KCNAB1: variants seen among roughly 807,000 people sequenced by gnomAD.
The protein encoded by KCNAB1 is potassium voltage-gated channel subfamily A regulatory beta subunit 1.
A neutral mutation model predicts 64.6 loss-of-function variants in KCNAB1; 35 were observed. That is an observed-to-expected ratio of 0.54 (90% CI 0.41 to 0.72). KCNAB1 has a LOEUF of 0.72. KCNAB1 is among the 30% of genes least tolerant of loss of function. KCNAB1 has a pLI of 0.00. For missense variants in KCNAB1, 401 were observed against 512.9 expected (o/e 0.78, Z 2.11); for synonymous variants, 177 against 183.8 (o/e 0.96, Z 0.30).
intron 1 of KCNAB1, among the ~76,000 whole-genome samples, chr3:156,219,714 T>C (rs1715577638): frequency 6.7e-6 from 1 of 149,968 alleles, no homozygotes; most frequent in African/African-American, 2.4e-5. Context: ...ATTATTATTA[T>C]TATTATTATT....
intron 1 of KCNAB1, among the ~76,000 whole-genome samples, chr3:156,127,252 AT>A (rs904545289): frequency 1.3e-5 from 2 of 152,142 alleles, no homozygotes; most frequent in Admixed American, 6.5e-5. Flanking sequence ...TTCAACCAAT[AT>A]TTTTTTTCCT....
At chr3:156,245,891 G>A (rs1270468629) in intron 1 of KCNAB1, among the ~76,000 whole-genome samples, 1 of 152,016 alleles carries the variant, frequency 6.6e-6, no homozygotes, top group Non-Finnish European at 1.5e-5. Context: ...AGACTTTTTA[G>A]GATCATGGTG....
intron 11 of KCNAB1, among the ~76,000 whole-genome samples, chr3:156,519,841 C>T (rs1272794632): frequency 1.3e-5 from 2 of 152,130 alleles, no homozygotes; most frequent in Non-Finnish European, 2.9e-5. Context: ...TTTTCTTTAC[C>T]AACTTCAGTC....
chr3:156,364,533 C>T lies in KCNAB1; in HGVS notation c.276-57083C>T, dbSNP rs574982193. Reference sequence around the variant, plus strand: ...GTGGCTCACACCTGTAATCCCAGCACTTTGAGAGGCCGAGGCGGGCGGATC... The same window carrying T: ...GTGGCTCACACCTGTAATCCCAGCATTTTGAGAGGCCGAGGCGGGCGGATC... On this transcript the variant is annotated intron_variant, in intron 1 of 13. Coordinates refer to ENST00000490337, the MANE Select transcript of KCNAB1 (RefSeq NM_172160.3). 5.3e-5 allele frequency among the ~76,000 whole-genome samples: 8 copies of T among 152,306 alleles called. No individual in the cohort carries two copies. The South Asian group carries it at 1.7e-3, about 32-fold the overall frequency.
intron 1 of KCNAB1, among the ~76,000 whole-genome samples, chr3:156,374,309 G>T (rs1711517449): frequency 2.0e-5 from 3 of 152,146 alleles, no homozygotes; most frequent in Admixed American, 2.0e-4. Flanking sequence ...ACTCTGTCCT[G>T]AGTGTCTATT....
chr3:156,135,030 TCTG>T (rs1217388978), intron 1 of KCNAB1, among the ~76,000 whole-genome samples: 8 of 152,062 alleles, frequency 5.3e-5, no homozygotes. Context: ...GGAGTCTCAC[TCTG>T]CTGCCCAGGC....
intron 1 of KCNAB1, among the ~76,000 whole-genome samples, chr3:156,255,722 G>A (rs1220098445): frequency 6.6e-6 from 1 of 152,058 alleles, no homozygotes; most frequent in Non-Finnish European, 1.5e-5. Flanking sequence ...ACTTTTCAAG[G>A]TCCAGAGTAA....
At chr3:156,203,408 G>A (rs531354927) in intron 1 of KCNAB1, among the ~76,000 whole-genome samples, 4 of 152,298 alleles carry the variant, frequency 2.6e-5, no homozygotes, top group East Asian at 3.9e-4. Context: ...GAGTAAGATA[G>A]CATTGGGTTT....
At chr3:156,402,513 C>T (rs189545304) in intron 1 of KCNAB1, among the ~76,000 whole-genome samples, 132 of 152,274 alleles carry the variant, frequency 8.7e-4, no homozygotes, top group African/African-American at 3.0e-3. Flanking sequence ...CCAACACCTG[C>T]TATTTTAATG....
chr3:156,319,299 A>C (rs1722498377), intron 1 of KCNAB1, among the ~76,000 whole-genome samples: 1 of 152,150 alleles, frequency 6.6e-6, no homozygotes, highest in Non-Finnish European at 1.5e-5. Context: ...CACAAGGTTT[A>C]GTTTTTGCTC....
At chr3:156,195,156 G>A (rs1434129576) in intron 1 of KCNAB1, among the ~76,000 whole-genome samples, 1 of 152,156 alleles carries the variant, frequency 6.6e-6, no homozygotes, top group African/African-American at 2.4e-5. Context: ...TGGTGTATAT[G>A]TGCCACATTT....
Position 156,523,950 on chromosome 3 carries a change from A to G in KCNAB1, c.1081+3A>G. 1 of 1,613,438 alleles carries G rather than the reference A, an allele frequency of 6.2e-7. No individual in the cohort carries two copies. The highest frequency in any genetic ancestry group is 8.5e-7 in the Non-Finnish European group (1 of 1,179,774). On this transcript the variant is annotated splice_donor_region_variant and intron_variant, in intron 12 of 13. Transcript: ENST00000490337. ...CACACTACCTCAGCTAGCTGTTGGTAAGAAAATTACTAAGCTATGGGGTGG... is the reference window on the plus strand; with the variant it reads ...CACACTACCTCAGCTAGCTGTTGGTGAGAAAATTACTAAGCTATGGGGTGG...
At chr3:156,214,130 C>G (rs1715173379) in intron 1 of KCNAB1, among the ~76,000 whole-genome samples, 1 of 152,158 alleles carries the variant, frequency 6.6e-6, no homozygotes. Flanking sequence ...GCCCTATGTA[C>G]CTCTTTCTCT....
chr3:156,292,519 G>C (rs1266289728), intron 1 of KCNAB1, among the ~76,000 whole-genome samples: 1 of 152,110 alleles, frequency 6.6e-6, no homozygotes, highest in African/African-American at 2.4e-5. Flanking sequence ...TTCTCATCTA[G>C]TACTGCTCTC....
At chr3:156,284,418 T>G (rs151314590) in intron 1 of KCNAB1, among the ~76,000 whole-genome samples, 130 of 152,312 alleles carry the variant, frequency 8.5e-4, no homozygotes, top group African/African-American at 3.0e-3. Context: ...TGCTGTCTTT[T>G]TGTTTGTCTG....
chr3:156,279,301 AT>A (rs1438361246), intron 1 of KCNAB1, among the ~76,000 whole-genome samples: 1 of 151,652 alleles, frequency 6.6e-6, no homozygotes, highest in Non-Finnish European at 1.5e-5. Context: ...TGAACTCATC[AT>A]TTTTTATGGC....
At chr3:156,381,889 G>A (rs1359361598) in intron 1 of KCNAB1, among the ~76,000 whole-genome samples, 1 of 152,152 alleles carries the variant, frequency 6.6e-6, no homozygotes, top group Non-Finnish European at 1.5e-5. Flanking sequence ...TTGCACAGAT[G>A]CTTAACATTT....
intron 1 of KCNAB1, among the ~76,000 whole-genome samples, chr3:156,185,845 C>T: frequency 6.6e-6 from 1 of 151,980 alleles, no homozygotes; most frequent in Non-Finnish European, 1.5e-5. Flanking sequence ...TTTCAAGTAC[C>T]TCTAATTCAA....
rs1293208083 is a variant in KCNAB1, at chr3:156,420,502, A to T, written c.276-1114A>T. Among the ~76,000 whole-genome samples, 22 of 152,246 alleles carry T rather than the reference A, an allele frequency of 1.4e-4. 2 individuals are homozygous for T. The highest frequency in any genetic ancestry group is 1.4e-3 in the Admixed American group (22 of 15,284). On this transcript the variant is annotated intron_variant, in intron 1 of 13. Coordinates refer to ENST00000490337, the MANE Select transcript of KCNAB1 (RefSeq NM_172160.3). ...AGTACTAATTGCTAAGTCTAAAGAA[A>T]CCAAAACTGATGACAAATCAAGGGA...
Sources: gnomAD v4.1 joint callset for allele counts (sites outside exome capture counted in the v4.1 genomes callset) on GRCh38, gnomAD v4.1.1 for gene constraint, MANE v1.5 for transcripts, NCBI Gene and HGNC (gene_info 2026-07-23, HGNC 2026-07-21) for gene names.